The following C5 variants were observed in gnomAD, a reference collection of about 807,000 sequenced individuals.
C5 encodes the protein C3 and PZP-like alpha-2-macroglobulin domain-containing protein 4.
C5 carries 140 observed loss-of-function variants against 218.8 expected under a neutral mutation model. That is an observed-to-expected ratio of 0.64 (90% CI 0.56 to 0.74). The LOEUF is 0.74. Among genes scored for constraint, C5 ranks in the 30% least tolerant of loss-of-function variants. C5 has a pLI of 0.00. For synonymous variants in C5, 614 were observed against 682.3 expected (o/e 0.90, Z 1.56); for missense variants, 1,700 against 1,969.6 (o/e 0.86, Z 2.59).
At chr9:121,041,536 C>G (rs1193425477) in intron 3 of C5, among the ~76,000 whole-genome samples, 1 of 151,920 alleles carries the variant, frequency 6.6e-6, no homozygotes, top group Non-Finnish European at 1.5e-5. Flanking sequence ...AACTCCTGAC[C>G]TTGTGATCCC....
At chr9:120,962,084 T>C (rs748946706) in intron 36 of C5, among the ~76,000 whole-genome samples, 13 of 152,000 alleles carry the variant, frequency 8.6e-5, no homozygotes, top group Non-Finnish European at 1.5e-4. Context: ...TCCAATAAGC[T>C]CTCCAACCAC....
chr9:121,031,920 C>T (rs1048794040), intron 6 of C5, among the ~76,000 whole-genome samples, 193 bp downstream of exon 6: 26 of 151,920 alleles, frequency 1.7e-4, no homozygotes, highest in Admixed American at 6.6e-4. Flanking sequence ...AAAAATTAGC[C>T]GGCTATGGTG....
intron 10 of C5, among the ~76,000 whole-genome samples, chr9:121,022,321 A>T (rs1409343395): frequency 6.6e-6 from 1 of 151,160 alleles, no homozygotes; most frequent in East Asian, 1.9e-4. Flanking sequence ...ATATACACAC[A>T]CAATTCCACA....
intron 15 of C5, 105 bp downstream of exon 15, chr9:121,016,149 A>G: frequency 7.0e-7 from 1 of 1,420,752 alleles, no homozygotes; most frequent in East Asian, 2.3e-5. Flanking sequence ...TAGTCTTGGC[A>G]TTCTAAGATC....
chr9:120,977,883 A>G (rs2131692668), intron 28 of C5, among the ~76,000 whole-genome samples: 1 of 152,316 alleles, frequency 6.6e-6, no homozygotes, highest in Admixed American at 6.5e-5. Flanking sequence ...TGTGTGACTC[A>G]ATTTCCTAAT....
intron 26 of C5, 151 bp downstream of exon 26, chr9:120,982,504 G>C (rs538038187): frequency 1.6e-6 from 1 of 637,414 alleles, no homozygotes; most frequent in African/African-American, 1.8e-5. Context: ...AGATATTATG[G>C]GAAAGACCTT....
Position 121,012,920 on chromosome 9 carries a change from T to A in C5, c.2257+953A>T, listed in dbSNP as rs1458095131. Among the ~76,000 whole-genome samples the A allele has an allele frequency of 3.3e-5, 5 of 152,338 alleles. No homozygotes were observed. In the East Asian group the frequency reaches 9.7e-4, roughly 29 times the overall value. The stretch of plus-strand genomic sequence containing the variant: ...GAAAAAATACGGTATTATAATCCTA[T>A]AGGATCACCGTTGCACATGTGGTCC... On this transcript the variant is annotated intron_variant, in intron 17 of 40. Transcript: ENST00000223642.
intron 20 of C5, among the ~76,000 whole-genome samples, chr9:121,004,838 A>G (rs527590314): frequency 1.3e-5 from 2 of 152,322 alleles, no homozygotes; most frequent in African/African-American, 2.4e-5. Flanking sequence ...TCTGCTATAC[A>G]TAAGTTTGAT....
chr9:121,011,652 A>C (rs1479634653), intron 17 of C5, among the ~76,000 whole-genome samples: 4 of 152,236 alleles, frequency 2.6e-5, no homozygotes, highest in Non-Finnish European at 5.9e-5. Context: ...GAAAATCAGT[A>C]CATCGAAGAG....
chr9:121,054,134 C>A (rs1478901362), upstream of C5, among the ~76,000 whole-genome samples: 4 of 152,084 alleles, frequency 2.6e-5, no homozygotes, highest in Non-Finnish European at 4.4e-5. Context: ...GTTATACCCC[C>A]TCCCTTTGGA....
chr9:120,991,041 G>T lies in C5; in HGVS notation c.2941+150C>A, dbSNP rs2047073273. The T allele has an allele frequency of 2.6e-5, 16 of 624,298 alleles. 1 individual carries two copies. In the South Asian group the frequency reaches 2.6e-4, roughly 10 times the overall value. The allele number at this position is 624,298 out of a possible 1,614,324, so 38.7% of individuals were successfully genotyped here. On this transcript the variant is annotated intron_variant, in intron 23 of 40. Transcript: ENST00000223642. ...GAAAAGTGATTAAAGGTTTGAAAGT[G>T]GGGGTGGGTAGGGGTGGAGCACTCC...
At chr9:121,029,321 TA>T (rs1469821785) in intron 7 of C5, among the ~76,000 whole-genome samples, 1 of 152,164 alleles carries the variant, frequency 6.6e-6, no homozygotes, top group East Asian at 1.9e-4. Context: ...AGAGCTAGCA[TA>T]GGGTAATGTT....
chr9:121,073,611 G>A, the C5 span, among the ~76,000 whole-genome samples: 2 of 150,408 alleles, frequency 1.3e-5, no homozygotes, highest in Non-Finnish European at 2.9e-5. Flanking sequence ...CCGCCTCCCG[G>A]GTTCAAGCGA....
chr9:121,013,743 T>C (rs1424540935), intron 17 of C5, 130 bp downstream of exon 17: 4 of 864,892 alleles, frequency 4.6e-6, no homozygotes, highest in Admixed American at 2.3e-5. Flanking sequence ...TTTTTTCTTA[T>C]GGACATTTAC....
Position 121,006,990 on chromosome 9 carries a change from A to T in C5, c.2349-13T>A. The T allele has an allele frequency of 6.3e-7, 1 of 1,587,180 alleles. No homozygotes were observed. The highest frequency in any genetic ancestry group is 8.7e-7 in the Non-Finnish European group (1 of 1,155,472). On this transcript the variant is annotated splice_polypyrimidine_tract_variant and intron_variant, in intron 18 of 40. Transcript: ENST00000223642. ...CTGCAACTGTTTTCTGGAAGTTAAA[A>T]TGTTGATATTCAAATACAGTGGAAT...
chr9:120,989,283 C>T lies in C5; in HGVS notation c.3155-162G>A, dbSNP rs566372071. On this transcript the variant is annotated intron_variant, in intron 24 of 40. Transcript: ENST00000223642. ...CTTCTCAAAGGAAGTATATGAATTG[C>T]TCGAATTGGGAATTATCAAGTAGAA... is the stretch of plus-strand genomic sequence containing the variant. Among the ~76,000 whole-genome samples the T allele has an allele frequency of 2.0e-5, 3 of 152,280 alleles. No individual in the cohort carries two copies. In the South Asian group the frequency reaches 6.2e-4, roughly 32 times the overall value.
At chr9:121,072,489 A>G in the C5 span, among the ~76,000 whole-genome samples, 2 of 152,170 alleles carry the variant, frequency 1.3e-5, no homozygotes, top group South Asian at 4.1e-4. Flanking sequence ...TCTAATAAAT[A>G]TCACCTGAAC....
intron 33 of C5, among the ~76,000 whole-genome samples, chr9:120,964,977 G>A (rs779338593): frequency 6.6e-6 from 1 of 152,160 alleles, no homozygotes; most frequent in African/African-American, 2.4e-5. Flanking sequence ...GAGACAGACG[G>A]AGTGTGATTC....
intron 7 of C5, among the ~76,000 whole-genome samples, chr9:121,027,997 G>GA (rs2047439615): frequency 1.3e-5 from 2 of 151,950 alleles, no homozygotes; most frequent in Non-Finnish European, 2.9e-5. Context: ...AAATTTACAA[G>GA]AAAAAAACAA....
Sources: allele counts gnomAD v4.1 joint callset (sites outside exome capture counted in the v4.1 genomes callset), GRCh38; gene constraint gnomAD v4.1.1; transcripts MANE v1.5; gene names NCBI Gene and HGNC (gene_info 2026-07-23, HGNC 2026-07-21).